Variants in IL1RAPL2 observed in about 807,000 individuals in gnomAD.
IL1RAPL2 encodes the protein X-linked interleukin-1 receptor accessory protein-like 2.
IL1RAPL2 carries 3 observed loss-of-function variants against 44.1 expected under a neutral mutation model. The observed-to-expected ratio is 0.07, with a 90% CI of 0.03 to 0.18. The LOEUF is 0.18. Ranked by LOEUF, IL1RAPL2 falls within the 10% of genes least tolerant of loss-of-function variation. IL1RAPL2 has a pLI of 1.00. For missense variants in IL1RAPL2, 391 were observed against 496.4 expected (o/e 0.79, Z 2.02); for synonymous variants, 181 against 178.8 (o/e 1.01, Z -0.10).
At chrX:105,233,241 G>GC (rs2034089295) in intron 3 of IL1RAPL2, among the ~76,000 whole-genome samples, 1 of 111,584 alleles carries the variant, frequency 9.0e-6, no homozygotes, top group African/African-American at 3.3e-5. Flanking sequence ...CAGAGATAGC[G>GC]CCACTGCACT....
intron 6 of IL1RAPL2, among the ~76,000 whole-genome samples, chrX:105,499,276 T>G (rs2036376388): frequency 9.0e-6 from 1 of 110,779 alleles, no homozygotes; most frequent in African/African-American, 3.3e-5. Context: ...AACCTGAAAC[T>G]ATACAACTCC....
At chrX:104,872,897 C>A (rs1480454652) in intron 2 of IL1RAPL2, among the ~76,000 whole-genome samples, 3 of 110,536 alleles carry the variant, frequency 2.7e-5, no homozygotes, top group African/African-American at 9.9e-5. Context: ...ACATGAGAAA[C>A]CTTAACACCA....
intron 2 of IL1RAPL2, among the ~76,000 whole-genome samples, chrX:104,710,271 T>G (rs1164037164): frequency 9.0e-6 from 1 of 111,584 alleles, no homozygotes; most frequent in African/African-American, 3.2e-5. Context: ...AAACAAATTA[T>G]GGTACATACA....
chrX:105,357,682 G>A (rs929008323), intron 5 of IL1RAPL2, among the ~76,000 whole-genome samples: 9 of 108,809 alleles, frequency 8.3e-5, no homozygotes, highest in Non-Finnish European at 1.7e-4. Context: ...GCTAAAAGAA[G>A]ATATGGATAT....
chrX:105,435,979 C>G (rs942642180), intron 5 of IL1RAPL2, among the ~76,000 whole-genome samples: 1 of 110,843 alleles, frequency 9.0e-6, no homozygotes, highest in Admixed American at 9.6e-5. Context: ...ATAGGTGCAG[C>G]AAACCACCGT....
At chrX:104,654,086 T>C (rs1956942411) in intron 1 of IL1RAPL2, among the ~76,000 whole-genome samples, 1 of 110,922 alleles carries the variant, frequency 9.0e-6, no homozygotes, top group Admixed American at 9.6e-5. Context: ...GGTGGCACTT[T>C]ACAAACTCCT....
intron 10 of IL1RAPL2, among the ~76,000 whole-genome samples, chrX:105,758,881 A>T (rs1403370100): frequency 8.9e-6 from 1 of 112,338 alleles, no homozygotes; most frequent in African/African-American, 3.2e-5. Flanking sequence ...CAAACTGCCT[A>T]GAGACACAAA....
intron 2 of IL1RAPL2, among the ~76,000 whole-genome samples, chrX:105,036,678 G>T (rs2031635062): frequency 8.9e-6 from 1 of 112,148 alleles, no homozygotes; most frequent in African/African-American, 3.2e-5. Flanking sequence ...GCCTGAAAGA[G>T]TCTCTTGGTG....
chrX:105,416,866 A>C (rs967874446), intron 5 of IL1RAPL2, among the ~76,000 whole-genome samples: 2 of 112,160 alleles, frequency 1.8e-5, no homozygotes, highest in African/African-American at 6.5e-5. Flanking sequence ...AACATATTAA[A>C]AATAAAGCAG....
chrX:105,244,290 T>C (rs782487035), intron 4 of IL1RAPL2, among the ~76,000 whole-genome samples: 1 of 111,648 alleles, frequency 9.0e-6, no homozygotes, highest in East Asian at 2.8e-4. Context: ...TGTTTTTTCC[T>C]ACTTAAGCAT....
At chrX:105,446,306 A>G (rs1458211547) in intron 5 of IL1RAPL2, among the ~76,000 whole-genome samples, 1 of 110,781 alleles carries the variant, frequency 9.0e-6, no homozygotes, top group Non-Finnish European at 1.9e-5. Context: ...GTGTTTTTGT[A>G]GGTAACAGAT....
At chrX:104,806,681 A>G (rs1186799926) in intron 2 of IL1RAPL2, among the ~76,000 whole-genome samples, 1 of 112,941 alleles carries the variant, frequency 8.9e-6, no homozygotes, top group Non-Finnish European at 1.9e-5. Context: ...ATTCTTGAAG[A>G]CATTGTTCTC....
At chrX:105,555,089 T>C (rs987275980) in intron 6 of IL1RAPL2, among the ~76,000 whole-genome samples, 2 of 109,599 alleles carry the variant, frequency 1.8e-5, no homozygotes, top group African/African-American at 6.6e-5. Context: ...TTTTTTTTTT[T>C]TTTTCTTGCC....
At chrX:104,960,873 G>A (rs781655623) in intron 2 of IL1RAPL2, among the ~76,000 whole-genome samples, 2 of 111,721 alleles carry the variant, frequency 1.8e-5, no homozygotes, top group South Asian at 7.5e-4. Flanking sequence ...TAGACTAGGA[G>A]AAAGAAAAAT....
intron 6 of IL1RAPL2, among the ~76,000 whole-genome samples, chrX:105,668,724 G>C (rs2037791746): frequency 8.9e-6 from 1 of 112,077 alleles, no homozygotes; most frequent in African/African-American, 3.2e-5. Flanking sequence ...CTGATACCAA[G>C]TGTCCTAAAG....
chrX:104,777,983 A>G (rs5917142), intron 2 of IL1RAPL2, among the ~76,000 whole-genome samples: 41,284 of 109,723 alleles, frequency 0.38, 5,951 homozygotes, highest in East Asian at 0.47. Flanking sequence ...ATTCTTACCA[A>G]CAATGCACAA....
chrX:105,255,671 C>T (rs1316876150), intron 4 of IL1RAPL2, among the ~76,000 whole-genome samples: 1 of 111,710 alleles, frequency 9.0e-6, no homozygotes, highest in East Asian at 2.8e-4. Flanking sequence ...ATTGCCCTGG[C>T]CAGAACTTCC....
chrX:105,297,311 C>A (rs2034660710), intron 5 of IL1RAPL2, among the ~76,000 whole-genome samples: 1 of 111,889 alleles, frequency 8.9e-6, no homozygotes, highest in Admixed American at 9.5e-5. Flanking sequence ...TCATATGAAA[C>A]CTTTTCAACG....
In IL1RAPL2 at chrX:105,493,400, AT is replaced by A. The variant is rs769165780; in HGVS notation, c.772+9016del. The stretch of plus-strand genomic sequence containing the variant: ...TCCTATCAGTAATGCAGAGGTTCCA[AT>A]TTCTCTACATTCTTGAAAGCACTTG... On this transcript the variant is annotated intron_variant, in intron 6 of 10. Coordinates refer to ENST00000372582, the MANE Select transcript of IL1RAPL2 (RefSeq NM_017416.2). Among the ~76,000 whole-genome samples, 1,037 of 112,068 alleles carry A rather than the reference AT, an allele frequency of 9.3e-3. 10 individuals are homozygous for A. Among genetic ancestry groups the A allele is most frequent in the Admixed American group, 0.015 (155 of 10,576 alleles).
Sources: allele counts gnomAD v4.1 joint callset (sites outside exome capture counted in the v4.1 genomes callset), GRCh38; gene constraint gnomAD v4.1.1; transcripts MANE v1.5; gene names NCBI Gene and HGNC (gene_info 2026-07-23, HGNC 2026-07-21).